The following WDR70 variants were observed in gnomAD, a reference collection of about 807,000 sequenced individuals.
The protein encoded by WDR70 is WD repeat domain 70.
WDR70 carries 53 observed loss-of-function variants against 88.6 expected under a neutral mutation model. That is an observed-to-expected ratio of 0.60 (90% CI 0.48 to 0.75). The LOEUF (loss-of-function observed/expected upper bound fraction) is 0.75. Among genes scored for constraint, WDR70 ranks in the 30% least tolerant of loss-of-function variants. The probability of loss-of-function intolerance (pLI) is 0.00; values close to 1 mark genes in which losing one functional copy is unlikely to be tolerated. For missense variants in WDR70, 610 were observed against 823.2 expected (o/e 0.74, Z 3.17); for synonymous variants, 280 against 270.0 (o/e 1.04, Z -0.36).
At chr5:37,738,606 GCCCTT>G (rs751220561) in intron 17 of WDR70, among the ~76,000 whole-genome samples, 7 of 152,134 alleles carry the variant, frequency 4.6e-5, no homozygotes, top group Non-Finnish European at 7.4e-5. Context: ...CCCCAAAAAT[GCCCTT>G]TTAGAAGATT....
intron 10 of WDR70, among the ~76,000 whole-genome samples, chr5:37,694,699 G>C (rs1032030526): frequency 5.3e-5 from 8 of 152,036 alleles, no homozygotes; most frequent in African/African-American, 1.9e-4. Flanking sequence ...CCTGTTGGGG[G>C]GTGTGGGACT....
At chr5:37,485,858 A>ATTTTTTTTTTTTTTTTTTTTT (rs57109943) in intron 8 of WDR70, among the ~76,000 whole-genome samples, 18 of 108,284 alleles carry the variant, frequency 1.7e-4, no homozygotes, top group African/African-American at 7.1e-4. Context: ...TGCCTGGCTA[A>ATTTTTTTTTTTTTTTTTTTTT]TTTTTTTTTT....
At chr5:37,619,476 T>C (rs1744445304) in intron 10 of WDR70, among the ~76,000 whole-genome samples, 1 of 152,192 alleles carries the variant, frequency 6.6e-6, no homozygotes, top group Non-Finnish European at 1.5e-5. Context: ...CTATGATTTA[T>C]TTTGTAAGTG....
chr5:37,437,781 C>T (rs1007861323), intron 5 of WDR70, 141 bp from the exon 6 acceptor site: 1 of 706,592 alleles, frequency 1.4e-6, no homozygotes. Context: ...TACTCTCACA[C>T]TTTTTTGCTG....
chr5:37,649,369 T>C (rs1745328963), intron 10 of WDR70, among the ~76,000 whole-genome samples: 1 of 151,618 alleles, frequency 6.6e-6, no homozygotes, highest in African/African-American at 2.4e-5. Context: ...TTTATTTACT[T>C]ACTTATTTTC....
intron 4 of WDR70, among the ~76,000 whole-genome samples, chr5:37,394,234 C>T (rs1426096106): frequency 5.6e-5 from 8 of 141,724 alleles, no homozygotes; most frequent in South Asian, 2.2e-4. Context: ...GAACCCAGGA[C>T]GGGGAGTGAG....
rs539182538 is a variant in WDR70 at position 37,508,287 on chromosome 5, G to A, written c.841-8227G>A. Among the ~76,000 whole-genome samples, 349 of 152,198 alleles carry A rather than the reference G, an allele frequency of 2.3e-3. 2 individuals are homozygous for A. Among genetic ancestry groups the A allele is most frequent in the Non-Finnish European group, 2.6e-3 (176 of 67,996 alleles). ...GCGATTAGTGCCCTTCTGAAAAAAA[G>A]GAATAGATACCAGAGCTTTCTGTCT... On this transcript the variant is annotated intron_variant, in intron 8 of 17. Transcript: ENST00000265107.
At chr5:37,743,667 C>T (rs933017407) in intron 17 of WDR70, among the ~76,000 whole-genome samples, 29 of 152,214 alleles carry the variant, frequency 1.9e-4, no homozygotes, top group Non-Finnish European at 3.1e-4. Context: ...GGCCAGAGTG[C>T]CTCTTCAGGT....
intron 7 of WDR70, among the ~76,000 whole-genome samples, chr5:37,473,934 A>G (rs1739402894): frequency 6.6e-6 from 1 of 151,950 alleles, no homozygotes; most frequent in Non-Finnish European, 1.5e-5. Flanking sequence ...TGATTAAAAC[A>G]GTTTTTTTGT....
At chr5:37,618,158 A>C (rs562569345) in intron 10 of WDR70, among the ~76,000 whole-genome samples, 70 of 152,346 alleles carry the variant, frequency 4.6e-4, no homozygotes, top group Non-Finnish European at 8.2e-4. Context: ...ATGAACCAAA[A>C]ACTTCAGTTT....
chr5:37,398,946 A>G (rs938603238), intron 5 of WDR70, among the ~76,000 whole-genome samples: 5 of 152,036 alleles, frequency 3.3e-5, no homozygotes, highest in African/African-American at 7.2e-5. Context: ...GTTTGAGACT[A>G]GCCTGGCCAA....
chr5:37,388,906 A>C (rs917409815), intron 3 of WDR70, among the ~76,000 whole-genome samples: 2 of 151,948 alleles, frequency 1.3e-5, no homozygotes, highest in Non-Finnish European at 2.9e-5. Flanking sequence ...AATAATAGTA[A>C]AAAAGGGGGA....
intron 16 of WDR70, 63 bp downstream of exon 16, chr5:37,725,113 T>A: frequency 7.0e-7 from 1 of 1,436,634 alleles, no homozygotes; most frequent in Non-Finnish European, 9.7e-7. Flanking sequence ...GTAATTGATA[T>A]AAAATTGGGA....
intron 8 of WDR70, among the ~76,000 whole-genome samples, chr5:37,483,601 C>T (rs1739745572): frequency 6.6e-6 from 1 of 152,220 alleles, no homozygotes; most frequent in African/African-American, 2.4e-5. Context: ...AGCCCGTTCT[C>T]AATGAGCTGT....
At chr5:37,660,442 C>CTAAA in intron 10 of WDR70, among the ~76,000 whole-genome samples, 1 of 144,610 alleles carries the variant, frequency 6.9e-6, no homozygotes, top group Admixed American at 6.7e-5. Flanking sequence ...GTGTCTATTT[C>CTAAA]TCCTTTCAGT....
At chr5:37,471,811 A>G (rs992818330) in intron 7 of WDR70, among the ~76,000 whole-genome samples, 1 of 151,998 alleles carries the variant, frequency 6.6e-6, no homozygotes, top group Non-Finnish European at 1.5e-5. Context: ...ACAAAGATTT[A>G]TTATTTACAA....
At chr5:37,742,101 C>A (rs1396821669) in intron 17 of WDR70, among the ~76,000 whole-genome samples, 3 of 152,060 alleles carry the variant, frequency 2.0e-5, no homozygotes, top group Non-Finnish European at 4.4e-5. Context: ...AGGGTATATA[C>A]CCAGAAATGG....
chr5:37,726,468 T>C (rs1437802891), intron 16 of WDR70, among the ~76,000 whole-genome samples: 2 of 152,166 alleles, frequency 1.3e-5, no homozygotes, highest in Admixed American at 6.5e-5. Flanking sequence ...TCTCTTATAA[T>C]ACTCAGCAAA....
At position 37,396,563 on chromosome 5, in the gene WDR70, A is replaced by G; in HGVS notation, c.485A>G (p.Glu162Gly). Residue 162 changes from glutamate to glycine, a missense_variant, in exon 5 of 18, where the codon GAA becomes GGA. Transcript: ENST00000265107. ...EAEEEEEEEE[E>G]EENPVHKIPD... ...GAGGAAGAAGAAGAGGAAGAGGAGG[A>G]AGAGGAAGTAAGTATTTCAGTGGTA... The G allele has an allele frequency of 6.2e-7, 1 of 1,608,860 alleles. No homozygotes were observed. Among genetic ancestry groups the G allele is most frequent in the Non-Finnish European group, 8.5e-7 (1 of 1,178,750 alleles).
Sources: gnomAD v4.1 joint callset for allele counts (sites outside exome capture counted in the v4.1 genomes callset) on GRCh38, gnomAD v4.1.1 for gene constraint, MANE v1.5 for transcripts, NCBI Gene and HGNC (gene_info 2026-07-23, HGNC 2026-07-21) for gene names.